EXOC6: variants seen among roughly 807,000 people sequenced by gnomAD.
EXOC6 encodes the protein exocyst complex component 6.
A neutral mutation model predicts 112.5 loss-of-function variants in EXOC6; 60 were observed. The ratio of observed to expected loss-of-function variants is 0.53; its 90% CI spans 0.43 to 0.66. The LOEUF (loss-of-function observed/expected upper bound fraction) is 0.66, where lower values mean the gene tolerates loss of function less well. EXOC6 is among the 30% of genes least tolerant of loss of function. EXOC6 has a pLI of 0.00. For missense variants in EXOC6, 855 were observed against 957.1 expected, an observed-to-expected ratio of 0.89 and a Z score of 1.41; for synonymous variants, 295 against 308.0, an observed-to-expected ratio of 0.96 and a Z score of 0.44.
chr10:92,851,333 A>G (rs1347197937), intron 1 of EXOC6, among the ~76,000 whole-genome samples: 1 of 152,228 alleles, frequency 6.6e-6, no homozygotes, highest in Non-Finnish European at 1.5e-5. Context: ...TTAGGGGTAG[A>G]AAAGGAGACG....
chr10:93,012,185 T>TA (rs1231368812), intron 19 of EXOC6, among the ~76,000 whole-genome samples: 2 of 152,336 alleles, frequency 1.3e-5, no homozygotes, highest in Non-Finnish European at 2.9e-5. Context: ...TATTTGCTCT[T>TA]ACTTTAGACA....
intron 4 of EXOC6, among the ~76,000 whole-genome samples, chr10:92,895,855 C>T (rs1369640861): frequency 2.2e-5 from 3 of 134,466 alleles, no homozygotes; most frequent in East Asian, 5.5e-4. Context: ...CCACCACACC[C>T]GGCCTTTTTT....
At chr10:92,846,991 G>C (rs1256818554), upstream of EXOC6, among the ~76,000 whole-genome samples, 2 of 152,206 alleles carry the variant, frequency 1.3e-5, no homozygotes, top group African/African-American at 4.8e-5. Flanking sequence ...TTTGAAGATG[G>C]AGGAAGGGGG....
intron 8 of EXOC6, among the ~76,000 whole-genome samples, chr10:92,921,358 C>T (rs965180845): frequency 6.6e-6 from 1 of 150,510 alleles, no homozygotes; most frequent in Admixed American, 6.7e-5. Context: ...GATTCTCCTG[C>T]CTCAGCCTCC....
intron 18 of EXOC6, among the ~76,000 whole-genome samples, chr10:92,974,614 G>T (rs535513900): frequency 6.7e-6 from 1 of 149,728 alleles, no homozygotes; most frequent in African/African-American, 2.4e-5. Context: ...CTCTGATGCC[G>T]AGCCGAAGCT....
At chr10:92,982,984 T>C (rs1038354279) in intron 18 of EXOC6, among the ~76,000 whole-genome samples, 26 of 152,336 alleles carry the variant, frequency 1.7e-4, no homozygotes, top group African/African-American at 5.1e-4. Context: ...TAAATAAAGA[T>C]ACATTATTTG....
chr10:92,856,325 T>C (rs1262920433), intron 1 of EXOC6, among the ~76,000 whole-genome samples: 1 of 152,080 alleles, frequency 6.6e-6, no homozygotes, highest in Non-Finnish European at 1.5e-5. Context: ...TTTTTTAATA[T>C]TGGTTTTTAC....
intron 20 of EXOC6, among the ~76,000 whole-genome samples, chr10:93,016,281 G>A (rs987722247): frequency 2.0e-5 from 3 of 149,566 alleles, no homozygotes; most frequent in Non-Finnish European, 4.4e-5. Flanking sequence ...CTACAGACAC[G>A]CACCACCATG....
chr10:92,943,259 G>A (rs1363074621), intron 13 of EXOC6, among the ~76,000 whole-genome samples: 1 of 151,996 alleles, frequency 6.6e-6, no homozygotes, highest in Non-Finnish European at 1.5e-5. Context: ...ACCTTGTGAT[G>A]TACCCGCCTT....
rs569815528 is a variant in EXOC6, at chr10:92,992,759, G to A, written c.1954-4715G>A. Reference sequence around the variant, plus strand: ...ATGAAATACCTCATTCTTTCAGTATGTGTATTTTAAAATTTAAATTTAAAA... The same window carrying A: ...ATGAAATACCTCATTCTTTCAGTATATGTATTTTAAAATTTAAATTTAAAA... On this transcript the variant is annotated intron_variant, in intron 18 of 21. Coordinates refer to ENST00000260762, the MANE Select transcript of EXOC6 (RefSeq NM_019053.6). Among the ~76,000 whole-genome samples, 23 of 151,200 alleles carry A rather than the reference G, an allele frequency of 1.5e-4. No homozygotes were observed. The South Asian group carries it at 2.9e-3, about 19-fold the overall frequency.
chr10:92,979,287 G>A (rs1350346312), intron 18 of EXOC6, among the ~76,000 whole-genome samples: 1 of 152,162 alleles, frequency 6.6e-6, no homozygotes. Flanking sequence ...AGCCTCCCGA[G>A]TAGCTGGGAC....
chr10:92,839,991 ACTCT>A (rs1225954129), intron 1 of EXOC6, among the ~76,000 whole-genome samples: 4 of 151,974 alleles, frequency 2.6e-5, no homozygotes, highest in African/African-American at 2.4e-5. Context: ...GTATTCACAG[ACTCT>A]CTCAGGCACT....
chr10:92,954,723 TC>T lies in EXOC6; in HGVS notation c.1621del (p.His541IlefsTer2). Reference sequence around the variant, plus strand: ...GTTTACTGAACCTTATTAGAAAACCTCATATAGGTTTGACAGAGGTAGGTTA... The same window carrying T: ...GTTTACTGAACCTTATTAGAAAACCTATATAGGTTTGACAGAGGTAGGTTA... The part of the protein sequence containing the change: ...SCLLNLIRKP[H>X]IGLTELVQII... On this transcript the variant is annotated frameshift_variant, in exon 16 of 22. Transcript: ENST00000260762. LOFTEE classifies it high-confidence loss of function. 6.4e-7 allele frequency: 1 copy of T among 1,563,926 alleles called. No homozygotes were observed. Among genetic ancestry groups the T allele is most frequent in the Non-Finnish European group, 8.8e-7 (1 of 1,137,446 alleles).
At chr10:93,014,314 C>A in intron 20 of EXOC6, 47 bp downstream of exon 20, 2 of 1,432,234 alleles carry the variant, frequency 1.4e-6, no homozygotes, top group Non-Finnish European at 1.9e-6. Flanking sequence ...CTAACTCTTG[C>A]CCTCCCCTCA....
intron 18 of EXOC6, among the ~76,000 whole-genome samples, chr10:92,978,775 T>C (rs1842724211): frequency 6.6e-6 from 1 of 152,226 alleles, no homozygotes; most frequent in South Asian, 2.1e-4. Context: ...TGGCCTTCTT[T>C]AACCCTCAAA....
chr10:92,960,990 C>T (rs1380048472), intron 17 of EXOC6, among the ~76,000 whole-genome samples: 1 of 151,918 alleles, frequency 6.6e-6, no homozygotes, highest in Non-Finnish European at 1.5e-5. Context: ...TGACTGGATA[C>T]GTGACCTTTG....
chr10:92,828,195 T>G (rs1350842082), intron 1 of EXOC6, among the ~76,000 whole-genome samples: 7 of 152,224 alleles, frequency 4.6e-5, no homozygotes, highest in African/African-American at 1.7e-4. Flanking sequence ...TTACCAATCT[T>G]TACGTCTTTT....
intron 20 of EXOC6, among the ~76,000 whole-genome samples, chr10:93,042,321 A>G (rs990922335): frequency 6.6e-5 from 10 of 152,178 alleles, no homozygotes; most frequent in Admixed American, 5.9e-4. Flanking sequence ...CCCCTAAGCA[A>G]TAATTGATGC....
chr10:92,874,161 G>A (rs992210831), intron 1 of EXOC6, among the ~76,000 whole-genome samples: 5 of 152,030 alleles, frequency 3.3e-5, no homozygotes, highest in African/African-American at 1.2e-4. Flanking sequence ...TGTAGCTACA[G>A]GCTATAGCAT....
Sources: allele counts gnomAD v4.1 joint callset (sites outside exome capture counted in the v4.1 genomes callset), GRCh38; gene constraint gnomAD v4.1.1; transcripts MANE v1.5; gene names NCBI Gene and HGNC (gene_info 2026-07-23, HGNC 2026-07-21).